NPAS3: variants seen among roughly 807,000 people sequenced by gnomAD.
The protein encoded by NPAS3 is neuronal PAS domain-containing protein 3.
NPAS3 carries 14 observed loss-of-function variants against 73.1 expected under a neutral mutation model. The observed-to-expected ratio is 0.19, with a 90% CI of 0.13 to 0.30. The LOEUF is 0.30. Among genes scored for constraint, NPAS3 ranks in the 10% least tolerant of loss-of-function variants. The pLI is 1.00. For missense variants in NPAS3, 1,096 were observed against 1,250.0 expected, an observed-to-expected ratio of 0.88 and a Z score of 1.86; for synonymous variants, 620 against 541.5, an observed-to-expected ratio of 1.14 and a Z score of -2.01.
At chr14:33,704,918 T>A (rs1414360959) in intron 6 of NPAS3, among the ~76,000 whole-genome samples, 1 of 152,226 alleles carries the variant, frequency 6.6e-6, no homozygotes, top group African/African-American at 2.4e-5. Flanking sequence ...GGCATTGCTA[T>A]GCACCCACAC....
chr14:33,558,449 G>T (rs974571657), intron 4 of NPAS3, among the ~76,000 whole-genome samples: 3 of 151,996 alleles, frequency 2.0e-5, no homozygotes, highest in Admixed American at 2.0e-4. Context: ...AGTAGAGATG[G>T]GGTTTCCACC....
chr14:33,618,716 T>C (rs1439686302), intron 5 of NPAS3, among the ~76,000 whole-genome samples: 1 of 152,204 alleles, frequency 6.6e-6, no homozygotes, highest in Admixed American at 6.5e-5. Context: ...TTCTCACATA[T>C]TTGATAGCAA....
intron 1 of NPAS3, among the ~76,000 whole-genome samples, chr14:33,037,451 C>T (rs1191203530): frequency 6.6e-6 from 1 of 150,526 alleles, no homozygotes; most frequent in Admixed American, 6.6e-5. Flanking sequence ...TTGAGACCAG[C>T]CTGGACAACA....
At chr14:33,208,272 A>G (rs909597683) in intron 2 of NPAS3, among the ~76,000 whole-genome samples, 1 of 152,192 alleles carries the variant, frequency 6.6e-6, no homozygotes, top group African/African-American at 2.4e-5. Context: ...AATCAAGGTG[A>G]ACATCAGTTG....
At chr14:33,563,081 T>C (rs773451484) in intron 5 of NPAS3, among the ~76,000 whole-genome samples, 1 of 152,176 alleles carries the variant, frequency 6.6e-6, no homozygotes, top group East Asian at 1.9e-4. Flanking sequence ...AACTCTGTCA[T>C]CAAAGACTTG....
intron 4 of NPAS3, among the ~76,000 whole-genome samples, chr14:33,520,676 A>C (rs531653189): frequency 1.3e-5 from 2 of 152,228 alleles, no homozygotes; most frequent in African/African-American, 2.4e-5. Context: ...AAACAACACA[A>C]TTATTTCTTT....
At chr14:33,352,885 C>T (rs2045138496) in intron 3 of NPAS3, among the ~76,000 whole-genome samples, 1 of 152,004 alleles carries the variant, frequency 6.6e-6, no homozygotes. Flanking sequence ...AGCAATGGTG[C>T]AAGTGAATAA....
intron 3 of NPAS3, among the ~76,000 whole-genome samples, chr14:33,217,066 C>T (rs1594420334): frequency 1.3e-5 from 2 of 152,264 alleles, no homozygotes; most frequent in East Asian, 3.9e-4. Flanking sequence ...AACTTACAAT[C>T]ATGGTAGAAG....
chr14:33,532,051 A>C (rs28637547), intron 4 of NPAS3, among the ~76,000 whole-genome samples: 3,159 of 152,248 alleles, frequency 0.021, 118 homozygotes, highest in African/African-American at 0.072. Context: ...TGCAAATGTT[A>C]GGAAATCTCA....
intron 6 of NPAS3, among the ~76,000 whole-genome samples, chr14:33,727,420 C>A (rs2061298295): frequency 6.6e-6 from 1 of 151,936 alleles, no homozygotes; most frequent in Non-Finnish European, 1.5e-5. Context: ...TAACTATTGA[C>A]CTTTCTGATA....
At chr14:33,491,237 T>C (rs545458880) in intron 4 of NPAS3, among the ~76,000 whole-genome samples, 1 of 152,176 alleles carries the variant, frequency 6.6e-6, no homozygotes, top group South Asian at 2.1e-4. Flanking sequence ...GAGATGAACA[T>C]TTAAAGTTTT....
chr14:33,716,951 TTG>T (rs1566460611), intron 6 of NPAS3, among the ~76,000 whole-genome samples: 1 of 152,054 alleles, frequency 6.6e-6, no homozygotes, highest in Non-Finnish European at 1.5e-5. Flanking sequence ...TTGAAAAGTG[TTG>T]TGTTTCATTT....
rs540418861 is a variant in NPAS3, at chr14:33,227,200, A to C, written c.385+11774A>C. ...CACCTGACCTAAAGTGCTTTTCATT[A>C]TATCTTCTATGGATACTGAGCTCCT... is the stretch of plus-strand genomic sequence containing the variant. On this transcript the variant is annotated intron_variant, in intron 3 of 11. Coordinates refer to ENST00000356141, the Ensembl canonical transcript of NPAS3. 7.0e-4 allele frequency among the ~76,000 whole-genome samples: 106 copies of C among 152,252 alleles called. No homozygotes were observed. In the South Asian group the frequency reaches 7.5e-3, roughly 11 times the overall value.
chr14:33,469,078 G>A (rs964383001), intron 4 of NPAS3, among the ~76,000 whole-genome samples: 1 of 152,066 alleles, frequency 6.6e-6, no homozygotes, highest in African/African-American at 2.4e-5. Flanking sequence ...TATTACTGAT[G>A]TTATCCTTTA....
intron 2 of NPAS3, among the ~76,000 whole-genome samples, chr14:33,198,337 T>A (rs1178600932): frequency 6.6e-6 from 1 of 151,344 alleles, no homozygotes; most frequent in Non-Finnish European, 1.5e-5. Context: ...TGGTCCATTT[T>A]ACAGAGCGCT....
At chr14:33,112,788 T>C (rs2042939150) in intron 2 of NPAS3, among the ~76,000 whole-genome samples, 1 of 152,244 alleles carries the variant, frequency 6.6e-6, no homozygotes, top group Admixed American at 6.5e-5. Flanking sequence ...TCTAGGGTTT[T>C]TATGGTTTTA....
chr14:33,320,119 G>A (rs570996146), intron 3 of NPAS3, among the ~76,000 whole-genome samples: 8 of 152,206 alleles, frequency 5.3e-5, no homozygotes, highest in African/African-American at 1.9e-4. Context: ...GTTGGTAGAA[G>A]AGCACTTTGC....
At chr14:33,445,115 C>T (rs1566909546) in intron 4 of NPAS3, among the ~76,000 whole-genome samples, 1 of 152,188 alleles carries the variant, frequency 6.6e-6, no homozygotes, top group Non-Finnish European at 1.5e-5. Flanking sequence ...TTCTTCGGCA[C>T]TTGGTTAATT....
intron 3 of NPAS3, among the ~76,000 whole-genome samples, chr14:33,278,248 G>A (rs1402110839): frequency 6.6e-6 from 1 of 152,094 alleles, no homozygotes; most frequent in African/African-American, 2.4e-5. Context: ...AATACAATGG[G>A]ATGTGAATCT....
Sources: allele counts gnomAD v4.1 joint callset (sites outside exome capture counted in the v4.1 genomes callset), GRCh38; gene constraint gnomAD v4.1.1; transcripts MANE v1.5; gene names NCBI Gene and HGNC (gene_info 2026-07-23, HGNC 2026-07-21).